Variants in CSMD1 observed in about 807,000 individuals in gnomAD.
The protein encoded by CSMD1 is CUB and Sushi multiple domains 1.
CSMD1 carries 213 observed loss-of-function variants against 417.5 expected under a neutral mutation model. The observed-to-expected ratio is 0.51, with a 90% confidence interval of 0.46 to 0.57. The LOEUF (loss-of-function observed/expected upper bound fraction) is 0.57. Among genes scored for constraint, CSMD1 ranks in the 20% least tolerant of loss-of-function variants. CSMD1 has a pLI of 0.00. For missense variants in CSMD1, 6,923 were observed against 4,529.7 expected (o/e 1.53, Z -15.17); for synonymous variants, 2,862 against 1,736.8 (o/e 1.65, Z -16.11).
intron 23 of CSMD1, among the ~76,000 whole-genome samples, chr8:3,322,188 A>C (rs1052359131): frequency 6.6e-6 from 1 of 152,216 alleles, no homozygotes; most frequent in African/African-American, 2.4e-5. Context: ...TATTCAATAC[A>C]TTTCATGGCC....
At chr8:3,817,329 G>A (rs753739472) in intron 5 of CSMD1, among the ~76,000 whole-genome samples, 1 of 121,342 alleles carries the variant, frequency 8.2e-6, no homozygotes, top group Admixed American at 1.1e-4. Flanking sequence ...CACCCAGGCT[G>A]GAGTACAGTG....
intron 26 of CSMD1, among the ~76,000 whole-genome samples, chr8:3,270,930 TA>T: frequency 1.2e-5 from 1 of 81,422 alleles, no homozygotes; most frequent in Non-Finnish European, 2.5e-5. Context: ...TTTAATTTTT[TA>T]TTTATTATTA....
intron 3 of CSMD1, among the ~76,000 whole-genome samples, chr8:4,272,877 T>C (rs1164132492): frequency 6.6e-6 from 1 of 152,188 alleles, no homozygotes; most frequent in Non-Finnish European, 1.5e-5. Flanking sequence ...ATAGATAAAA[T>C]TTGTTAAGTT....
At chr8:3,478,013 T>C (rs559463901) in intron 11 of CSMD1, among the ~76,000 whole-genome samples, 10 of 152,334 alleles carry the variant, frequency 6.6e-5, no homozygotes, top group African/African-American at 2.4e-4. Context: ...AAACTGAAGA[T>C]AATTCATACA....
At chr8:3,690,177 G>A (rs1453670486) in intron 7 of CSMD1, among the ~76,000 whole-genome samples, 1 of 152,124 alleles carries the variant, frequency 6.6e-6, no homozygotes, top group African/African-American at 2.4e-5. Flanking sequence ...TGGGCAACAG[G>A]GCAAGGCCCT....
At chr8:3,489,025 ACT>A (rs1232645756) in intron 11 of CSMD1, among the ~76,000 whole-genome samples, 23 of 152,332 alleles carry the variant, frequency 1.5e-4, no homozygotes, top group Admixed American at 5.9e-4. Context: ...TTAGTGATTA[ACT>A]CTGTGATAAC....
intron 3 of CSMD1, among the ~76,000 whole-genome samples, chr8:4,308,868 T>C (rs1585203316): frequency 6.6e-6 from 1 of 152,214 alleles, no homozygotes; most frequent in African/African-American, 2.4e-5. Context: ...GTAATGATTA[T>C]ATTATAGCTA....
chr8:3,976,341 C>A (rs964652504), intron 5 of CSMD1, among the ~76,000 whole-genome samples: 1 of 152,106 alleles, frequency 6.6e-6, no homozygotes, highest in Non-Finnish European at 1.5e-5. Context: ...ATTACTAAAA[C>A]TGAAAGGTAA....
At chr8:4,284,938 G>C (rs765802071) in intron 3 of CSMD1, among the ~76,000 whole-genome samples, 2 of 152,104 alleles carry the variant, frequency 1.3e-5, no homozygotes, top group Non-Finnish European at 2.9e-5. Context: ...TTAATTACCT[G>C]TAAGACCTTG....
At chr8:3,308,569 G>A in intron 23 of CSMD1, 66 bp from the exon 24 acceptor site, 1 of 1,320,428 alleles carries the variant, frequency 7.6e-7, no homozygotes, top group South Asian at 1.3e-5. Context: ...AAACAGAGAT[G>A]AAACAAACAA....
At chr8:3,072,563 T>A (rs796354099) in intron 49 of CSMD1, among the ~76,000 whole-genome samples, 23 of 152,352 alleles carry the variant, frequency 1.5e-4, no homozygotes, top group African/African-American at 5.5e-4. Flanking sequence ...TAGGTGTTTA[T>A]GTGCATGTGT....
chr8:4,545,860 C>A (rs1381460471), intron 2 of CSMD1, among the ~76,000 whole-genome samples: 1 of 152,198 alleles, frequency 6.6e-6, no homozygotes, highest in Non-Finnish European at 1.5e-5. Context: ...ATCATTTCAT[C>A]AGGTGTCCTC....
chr8:3,076,627 G>A (rs1409769540), intron 49 of CSMD1, among the ~76,000 whole-genome samples: 6 of 152,164 alleles, frequency 3.9e-5, no homozygotes. Context: ...AAAAGTTGAA[G>A]ACTGCACCAC....
intron 5 of CSMD1, among the ~76,000 whole-genome samples, chr8:3,837,755 G>T (rs1390604475): frequency 6.6e-6 from 1 of 151,876 alleles, no homozygotes; most frequent in African/African-American, 2.4e-5. Context: ...GCTCCTCCCA[G>T]TTTATCAGTT....
Position 3,933,623 on chromosome 8 carries a change from C to T in CSMD1, c.818+64280G>A, listed in dbSNP as rs1026285633. 3.0e-4 allele frequency among the ~76,000 whole-genome samples: 45 copies of T among 152,064 alleles called. 1 individual carries two copies. The highest frequency in any genetic ancestry group is 4.8e-5 in the African/African-American group (2 of 41,396). On this transcript the variant is annotated intron_variant, in intron 5 of 69. Transcript: ENST00000635120. Reference sequence around the variant, plus strand: ...GTTAAGATTTGCTTCTGGTAAGATACTGTTAGTCTCTATATTGAAGAGATT... The same window carrying T: ...GTTAAGATTTGCTTCTGGTAAGATATTGTTAGTCTCTATATTGAAGAGATT...
intron 41 of CSMD1, among the ~76,000 whole-genome samples, chr8:3,129,132 C>A (rs1337413403): frequency 6.6e-6 from 1 of 152,050 alleles, no homozygotes; most frequent in Admixed American, 6.6e-5. Flanking sequence ...GAAGTCAGGC[C>A]CACTTTGCCA....
intron 21 of CSMD1, among the ~76,000 whole-genome samples, chr8:3,352,707 G>A (rs1022859853): frequency 6.6e-6 from 1 of 152,126 alleles, no homozygotes; most frequent in Non-Finnish European, 1.5e-5. Context: ...TCGCATGGTG[G>A]TGCATGCCGG....
At chr8:4,610,344 G>T (rs1680525947) in intron 2 of CSMD1, among the ~76,000 whole-genome samples, 2 of 152,178 alleles carry the variant, frequency 1.3e-5, no homozygotes, top group Non-Finnish European at 2.9e-5. Context: ...ACTATTGTAA[G>T]CATGTGAGTC....
intron 1 of CSMD1, among the ~76,000 whole-genome samples, chr8:4,919,429 A>G (rs1798543496): frequency 6.6e-6 from 1 of 152,194 alleles, no homozygotes. Flanking sequence ...CAATATAATA[A>G]CAAAAATTAA....
Sources: gnomAD v4.1 joint callset for allele counts (sites outside exome capture counted in the v4.1 genomes callset) on GRCh38, gnomAD v4.1.1 for gene constraint, MANE v1.5 for transcripts, NCBI Gene and HGNC (gene_info 2026-07-23, HGNC 2026-07-21) for gene names.